Variants in CDH13 observed in about 807,000 individuals in gnomAD.
CDH13 encodes the protein cadherin 13, also known as cadherin-13.
Under a neutral mutation model 63.8 loss-of-function variants are expected in CDH13, and 24 were observed. The ratio of observed to expected loss-of-function variants is 0.38; its 90% CI spans 0.27 to 0.53. CDH13 has a LOEUF of 0.53. Among genes scored for constraint, CDH13 ranks in the 20% least tolerant of loss-of-function variants. CDH13 has a pLI of 0.85. For synonymous variants in CDH13, 503 were observed against 355.3 expected (o/e 1.42, Z -4.67); for missense variants, 1,049 against 903.1 (o/e 1.16, Z -2.07).
intron 5 of CDH13, among the ~76,000 whole-genome samples, chr16:83,269,000 C>A (rs965223360): frequency 6.6e-6 from 1 of 152,326 alleles, no homozygotes; most frequent in South Asian, 2.1e-4. Context: ...TCTGACCAGA[C>A]AACTTGCTCA....
intron 5 of CDH13, among the ~76,000 whole-genome samples, chr16:83,271,006 C>A (rs893341449): frequency 8.6e-5 from 13 of 151,056 alleles, no homozygotes; most frequent in Non-Finnish European, 1.8e-4. Context: ...TCATTCCCTT[C>A]CTCCCCCTCA....
At chr16:82,862,916 A>G (rs777915040) in intron 2 of CDH13, among the ~76,000 whole-genome samples, 3 of 152,174 alleles carry the variant, frequency 2.0e-5, no homozygotes, top group Admixed American at 6.5e-5. Flanking sequence ...TCCAGCTTTT[A>G]TCACTGAGCT....
chr16:82,929,484 T>C (rs922359422), intron 2 of CDH13, among the ~76,000 whole-genome samples: 5 of 151,172 alleles, frequency 3.3e-5, no homozygotes, highest in African/African-American at 1.2e-4. Context: ...ACCCCGTCTC[T>C]ACTAAAAATA....
chr16:82,834,799 C>A (rs1306157872), intron 1 of CDH13, among the ~76,000 whole-genome samples: 1 of 152,200 alleles, frequency 6.6e-6, no homozygotes, highest in Non-Finnish European at 1.5e-5. Context: ...GATCTGAGGG[C>A]CAAATCCAGC....
At chr16:83,326,061 G>A (rs2090352990) in intron 5 of CDH13, among the ~76,000 whole-genome samples, 3 of 152,100 alleles carry the variant, frequency 2.0e-5, no homozygotes, top group Admixed American at 2.0e-4. Flanking sequence ...TAAAATAGAG[G>A]GAAGGAGAAA....
chr16:82,897,480 C>G (rs997713845), intron 2 of CDH13, among the ~76,000 whole-genome samples: 1 of 152,234 alleles, frequency 6.6e-6, no homozygotes, highest in Admixed American at 6.5e-5. Flanking sequence ...CTCTCAGCTA[C>G]TTTATTACTG....
intron 2 of CDH13, among the ~76,000 whole-genome samples, chr16:82,919,582 T>C (rs2042092988): frequency 6.6e-6 from 1 of 152,242 alleles, no homozygotes; most frequent in Non-Finnish European, 1.5e-5. Flanking sequence ...AGTGTACTTG[T>C]ACCACATTTT....
At chr16:83,417,419 C>A (rs2071582776) in intron 6 of CDH13, among the ~76,000 whole-genome samples, 1 of 152,174 alleles carries the variant, frequency 6.6e-6, no homozygotes, top group South Asian at 2.1e-4. Context: ...TCTTGCTGCC[C>A]TGACTAGTTG....
chr16:82,661,197 T>C (rs944839003), intron 1 of CDH13, among the ~76,000 whole-genome samples: 2 of 152,114 alleles, frequency 1.3e-5, no homozygotes, highest in African/African-American at 2.4e-5. Context: ...CCTAGTGAGG[T>C]TGGCTTCAAG....
chr16:82,646,691 C>G (rs1223649278), intron 1 of CDH13, among the ~76,000 whole-genome samples: 6 of 152,074 alleles, frequency 3.9e-5, no homozygotes, highest in African/African-American at 1.4e-4. Flanking sequence ...TTGTCATCAT[C>G]CCCATCTACA....
intron 1 of CDH13, among the ~76,000 whole-genome samples, chr16:82,714,826 C>T (rs1026042191): frequency 7.6e-5 from 11 of 143,866 alleles, no homozygotes; most frequent in East Asian, 6.2e-4. Context: ...CCAAAACTGC[C>T]AGCAATGACC....
At chr16:82,817,974 C>A (rs1184298913) in intron 1 of CDH13, among the ~76,000 whole-genome samples, 1 of 152,014 alleles carries the variant, frequency 6.6e-6, no homozygotes, top group Admixed American at 6.6e-5. Flanking sequence ...TGTATACACA[C>A]ATACATTTTT....
chr16:83,120,954 G>A (rs956776302), intron 3 of CDH13, among the ~76,000 whole-genome samples: 1 of 151,856 alleles, frequency 6.6e-6, no homozygotes, highest in Non-Finnish European at 1.5e-5. Flanking sequence ...GGTAGAGACG[G>A]GGTTTCACCT....
intron 6 of CDH13, among the ~76,000 whole-genome samples, chr16:83,396,241 C>CT (rs2091884694): frequency 6.6e-6 from 1 of 152,106 alleles, no homozygotes; most frequent in South Asian, 2.1e-4. Context: ...TGTGTTTCAC[C>CT]TTGTTGAACA....
intron 1 of CDH13, among the ~76,000 whole-genome samples, chr16:82,754,324 A>G (rs1331695941): frequency 1.1e-4 from 17 of 152,198 alleles, no homozygotes; most frequent in Admixed American, 1.1e-3. Context: ...TGATTGTTGA[A>G]AAAATGAATA....
chr16:82,722,535 G>T (rs1268017535), intron 1 of CDH13, among the ~76,000 whole-genome samples: 2 of 152,170 alleles, frequency 1.3e-5, no homozygotes, highest in Admixed American at 6.5e-5. Flanking sequence ...AATTGGCTAC[G>T]CTAGGGTCAC....
intron 1 of CDH13, among the ~76,000 whole-genome samples, chr16:82,748,505 A>G (rs1430142243): frequency 6.6e-6 from 1 of 152,168 alleles, no homozygotes; most frequent in Non-Finnish European, 1.5e-5. Context: ...TGTATGGGAT[A>G]GATATCTGTT....
intron 2 of CDH13, among the ~76,000 whole-genome samples, chr16:82,964,290 G>A (rs897156357): frequency 6.6e-6 from 1 of 152,206 alleles, no homozygotes; most frequent in African/African-American, 2.4e-5. Context: ...TTATGAAGTG[G>A]TTTTATCTTG....
intron 8 of CDH13, among the ~76,000 whole-genome samples, chr16:83,658,961 A>C (rs1240823436): frequency 8.6e-6 from 1 of 116,086 alleles, no homozygotes; most frequent in Non-Finnish European, 1.7e-5. Context: ...CAGGTCCCGT[A>C]TCCTCACCAG....
Sources: gnomAD v4.1 joint callset for allele counts (sites outside exome capture counted in the v4.1 genomes callset) on GRCh38, gnomAD v4.1.1 for gene constraint, MANE v1.5 for transcripts, NCBI Gene and HGNC (gene_info 2026-07-23, HGNC 2026-07-21) for gene names.